The following SLC9D1 variants were observed in gnomAD, a reference collection of about 807,000 sequenced individuals.
The protein encoded by SLC9D1 is solute carrier family 9 member D1.
chr13:113,506,117 G>A, the SLC9D1 span: 1 of 180,784 alleles, frequency 5.5e-6, no homozygotes, highest in South Asian at 8.7e-5. Flanking sequence ...CTGTGGAGGA[G>A]ACTGTTGTGG....
chr13:113,539,016 C>T, the SLC9D1 span, among the ~76,000 whole-genome samples: 39 of 152,298 alleles, frequency 2.6e-4, 2 homozygotes, highest in South Asian at 3.7e-3. The surrounding 1 kb of genome is among the most constrained non-coding windows in gnomAD (Gnocchi z 4.8). Flanking sequence ...ACACTCCCAC[C>T]GGGCTATTCT....
At chr13:113,543,165 T>TCCCTGCCCCCCC in the SLC9D1 span, among the ~76,000 whole-genome samples, 7 of 60,846 alleles carry the variant, frequency 1.2e-4, 1 homozygote, top group South Asian at 1.8e-3. Context: ...GCCCTACCTC[T>TCCCTGCCCCCCC]GTCCGGACCC....
the SLC9D1 span, chr13:113,500,281 A>T: frequency 8.5e-6 from 4 of 472,012 alleles, no homozygotes; most frequent in African/African-American, 6.0e-5. Flanking sequence ...TCCGTACATT[A>T]TCTGTGATTT....
At chr13:113,502,826 C>T in the SLC9D1 span, among the ~76,000 whole-genome samples, 1 of 152,196 alleles carries the variant, frequency 6.6e-6, no homozygotes, top group African/African-American at 2.4e-5. Flanking sequence ...GGACTAGGCC[C>T]AGGAGCCCCA....
At chr13:113,534,318 C>A in the SLC9D1 span, 2 of 1,214,188 alleles carry the variant, frequency 1.6e-6, no homozygotes, top group Non-Finnish European at 2.4e-6. Flanking sequence ...CCATTCTTTA[C>A]CTTTCCATTT....
chr13:113,500,223 C>G, the SLC9D1 span: 6 of 991,204 alleles, frequency 6.1e-6, no homozygotes, highest in Non-Finnish European at 6.9e-6. Context: ...CGAGCTTTAT[C>G]TTCTGAACAA....
At chr13:113,492,467 C>G in the SLC9D1 span, among the ~76,000 whole-genome samples, 1 of 152,208 alleles carries the variant, frequency 6.6e-6, no homozygotes, top group Non-Finnish European at 1.5e-5. Flanking sequence ...ATCAAATCCC[C>G]TGACCTGTTG....
At chr13:113,534,428 G>T in the SLC9D1 span, 5 of 598,600 alleles carry the variant, frequency 8.4e-6, no homozygotes, top group Non-Finnish European at 1.2e-5. Flanking sequence ...AGCTAAACCC[G>T]TTTAACTGGT....
the SLC9D1 span, among the ~76,000 whole-genome samples, chr13:113,525,777 G>A: frequency 1.3e-5 from 2 of 151,336 alleles, no homozygotes; most frequent in Admixed American, 6.6e-5. Flanking sequence ...GGAGAGGACA[G>A]CTCTGTGCCG....
At chr13:113,549,427 G>A in the SLC9D1 span, 1 of 1,613,800 alleles carries the variant, frequency 6.2e-7, no homozygotes. Flanking sequence ...TGTTGCAGGT[G>A]TACCTCCTTA....
chr13:113,538,136 TTGG>T, the SLC9D1 span, among the ~76,000 whole-genome samples: 1 of 152,080 alleles, frequency 6.6e-6, no homozygotes, highest in Non-Finnish European at 1.5e-5. Flanking sequence ...TGTGTGTGCT[TTGG>T]TGTGGCATGT....
the SLC9D1 span, chr13:113,547,419 G>T: frequency 6.7e-7 from 1 of 1,492,250 alleles, no homozygotes; most frequent in Non-Finnish European, 9.4e-7. Flanking sequence ...CAGTTTGCAG[G>T]CTCAGCATAG....
chr13:113,533,701 C>T, the SLC9D1 span, among the ~76,000 whole-genome samples: 1 of 152,214 alleles, frequency 6.6e-6, no homozygotes, highest in Non-Finnish European at 1.5e-5. Flanking sequence ...GCAACCGCTG[C>T]CTGGCGGAGA....
At chr13:113,495,993 C>A in the SLC9D1 span, 2 of 1,612,408 alleles carry the variant, frequency 1.2e-6, no homozygotes, top group Non-Finnish European at 1.7e-6. Flanking sequence ...CAGCCGGCAG[C>A]GCCTGGAGGC....
At chr13:113,491,918 G>A in the SLC9D1 span, among the ~76,000 whole-genome samples, 2 of 152,208 alleles carry the variant, frequency 1.3e-5, no homozygotes, top group South Asian at 4.1e-4. Flanking sequence ...CTTATTTACC[G>A]GCTTTTTCAA....
At chr13:113,512,848 G>A in the SLC9D1 span, among the ~76,000 whole-genome samples, 1 of 150,400 alleles carries the variant, frequency 6.6e-6, no homozygotes, top group Admixed American at 6.6e-5. Flanking sequence ...CCCAGGTGCT[G>A]GGACTGGAAG....
the SLC9D1 span, among the ~76,000 whole-genome samples, chr13:113,540,481 T>C: frequency 5.3e-5 from 8 of 152,270 alleles, no homozygotes; most frequent in African/African-American, 7.2e-5. Flanking sequence ...GTTTCTCTAA[T>C]GACCAGTGAT....
chr13:113,535,617 G>A, the SLC9D1 span, among the ~76,000 whole-genome samples: 1 of 152,224 alleles, frequency 6.6e-6, no homozygotes, highest in Non-Finnish European at 1.5e-5. The surrounding 1 kb of genome is among the most constrained non-coding windows in gnomAD (Gnocchi z 4.1). Context: ...ACGCCACCCA[G>A]CAGTAAAACC....
At chr13:113,506,196 G>C in the SLC9D1 span, 1 of 126,166 alleles carries the variant, frequency 7.9e-6, no homozygotes, top group Non-Finnish European at 1.5e-5. Flanking sequence ...TGTTACGGGT[G>C]GGGAGGGTAA....
Sources: gnomAD v4.1 joint callset for allele counts (sites outside exome capture counted in the v4.1 genomes callset) on GRCh38, gnomAD v4.1.1 for gene constraint, Gnocchi (gnomAD v3.1) non-coding constraint, MANE v1.5 for transcripts, NCBI Gene and HGNC (gene_info 2026-07-23, HGNC 2026-07-21) for gene names.